The following AARS1 variants were observed in gnomAD, a reference collection of about 807,000 sequenced individuals.
AARS1 encodes alanine--tRNA ligase, cytoplasmic.
A neutral mutation model predicts 108.9 loss-of-function variants in AARS1; 72 were observed. That is an observed-to-expected ratio of 0.66 (90% CI 0.55 to 0.80). AARS1 has a LOEUF of 0.80. Ranked by LOEUF, AARS1 falls within the 30% of genes least tolerant of loss-of-function variation. AARS1 has a pLI of 0.00. For missense variants in AARS1, 1,193 were observed against 1,233.2 expected, an observed-to-expected ratio of 0.97 and a Z score of 0.49; for synonymous variants, 489 against 465.7, an observed-to-expected ratio of 1.05 and a Z score of -0.64.
intron 1 of AARS1, among the ~76,000 whole-genome samples, chr16:70,288,866 C>T (rs1410768107): frequency 6.6e-6 from 1 of 152,188 alleles, no homozygotes; most frequent in Non-Finnish European, 1.5e-5. Context: ...CGCGCCTGGC[C>T]CTGGGCTATT....
chr16:70,254,082 TG>T, intron 17 of AARS1, 44 bp from the exon 18 acceptor site: 3 of 1,611,470 alleles, frequency 1.9e-6, no homozygotes, highest in Non-Finnish European at 2.5e-6. Context: ...CACAACTTGC[TG>T]GGATGTCAGG....
chr16:70,287,254 CAAAAAAAAAAA>C (rs71151181), intron 1 of AARS1, among the ~76,000 whole-genome samples: 6 of 39,434 alleles, frequency 1.5e-4, no homozygotes, highest in East Asian at 9.5e-4. Context: ...GACTCCGTCT[CAAAAAAAAAAA>C]AAAAAAAAAA....
At chr16:70,286,084 G>T (rs1013732603) in intron 1 of AARS1, among the ~76,000 whole-genome samples, 2 of 152,162 alleles carry the variant, frequency 1.3e-5, no homozygotes, top group Admixed American at 6.6e-5. Context: ...TAAAAGGACT[G>T]AATATATTAA....
intron 11 of AARS1, among the ~76,000 whole-genome samples, chr16:70,263,527 C>T (rs1188947558): frequency 1.3e-5 from 2 of 150,876 alleles, no homozygotes; most frequent in Non-Finnish European, 1.5e-5. Flanking sequence ...GCCGAGAATG[C>T]GCCACTGCAC....
intron 4 of AARS1, chr16:70,275,950 A>AAC: frequency 6.7e-6 from 1 of 149,914 alleles, no homozygotes; most frequent in African/African-American, 2.5e-5. Flanking sequence ...AAAAAAAAAA[A>AAC]AAAAAAAAAA....
Position 70,263,057 on chromosome 16 carries a change from G to C in AARS1, c.1493-533C>G, listed in dbSNP as rs1021095756. Among the ~76,000 whole-genome samples the C allele has an allele frequency of 3.3e-5, 5 of 149,372 alleles. No homozygotes were observed. In the Admixed American group the frequency reaches 3.4e-4, roughly 10 times the overall value. On this transcript the variant is annotated intron_variant, in intron 11 of 20. Coordinates refer to ENST00000261772, the MANE Select transcript of AARS1 (RefSeq NM_001605.3). ...CCATCAAAGAATGCAACACTCTGTC[G>C]GGTGACCAACTGTCCCAATTTTTAG...
chr16:70,277,193 C>T (rs1960571781), intron 2 of AARS1, 39 bp from the exon 3 acceptor site: 3 of 1,596,430 alleles, frequency 1.9e-6, no homozygotes, highest in Non-Finnish European at 2.6e-6. Context: ...TTAAAGGGTG[C>T]AAGTGATGTC....
Position 70,277,017 on chromosome 16 carries a change from A to C in AARS1, c.282T>G (p.His94Gln). 6.2e-7 allele frequency: 1 copy of C among 1,614,184 alleles called. No homozygotes were observed. Among genetic ancestry groups the C allele is most frequent in the Non-Finnish European group, 8.5e-7 (1 of 1,180,028 alleles). Residue 94 changes from histidine (H) to glutamine (Q), a missense_variant, in exon 3 of 21, where the codon CAT (histidine) becomes CAG (glutamine). Physicochemically the swap from His to Gln is conservative, Grantham distance 24 (BLOSUM62 0). Transcript: ENST00000261772. ...AGCCCAGCATCTCGAAGAAGGTGTGATGATAGACATCCTTGCCCACATCGT... is the reference window on the plus strand; with the variant it reads ...AGCCCAGCATCTCGAAGAAGGTGTGCTGATAGACATCCTTGCCCACATCGT... ...DLDDVGKDVY[H>Q]HTFFEMLGSW...
At chr16:70,280,167 T>C (rs146919275) in intron 2 of AARS1, among the ~76,000 whole-genome samples, 5 of 152,328 alleles carry the variant, frequency 3.3e-5, no homozygotes, top group Admixed American at 2.0e-4. Context: ...TCCTCTTACT[T>C]TGGCCTCCCA....
At chr16:70,284,645 T>TC (rs1180096649) in intron 1 of AARS1, among the ~76,000 whole-genome samples, 2 of 152,072 alleles carry the variant, frequency 1.3e-5, no homozygotes, top group Non-Finnish European at 2.9e-5. Flanking sequence ...TATTACGATT[T>TC]CCCTGAGAGG....
At chr16:70,278,364 G>A (rs766853333) in intron 2 of AARS1, among the ~76,000 whole-genome samples, 2 of 151,810 alleles carry the variant, frequency 1.3e-5, no homozygotes, top group Non-Finnish European at 2.9e-5. Flanking sequence ...TCGGGAGTTC[G>A]AGACCAGCCT....
At chr16:70,265,489 G>A (rs1292261738) in intron 10 of AARS1, 49 bp downstream of exon 10, 3 of 1,612,392 alleles carry the variant, frequency 1.9e-6, no homozygotes, top group South Asian at 2.2e-5. Flanking sequence ...GCCAAGTGGT[G>A]CTGGGTTGGA....
intron 4 of AARS1, among the ~76,000 whole-genome samples, chr16:70,273,976 G>T (rs111783220): frequency 0.016 from 2,394 of 151,134 alleles, 56 homozygotes; most frequent in African/African-American, 0.054. Flanking sequence ...AGTAAACTAT[G>T]ATTATGCCAC....
chr16:70,270,114 C>A (rs1217360000), intron 6 of AARS1, 82 bp downstream of exon 6: 6 of 1,548,208 alleles, frequency 3.9e-6, no homozygotes, highest in South Asian at 2.2e-5. Context: ...AGCATATGGT[C>A]ATTTTTTCTT....
chr16:70,255,223 GGA>G (rs1264304011), intron 16 of AARS1, among the ~76,000 whole-genome samples: 1 of 119,642 alleles, frequency 8.4e-6, no homozygotes, highest in East Asian at 2.2e-4. Context: ...TTTTGGAGAC[GGA>G]GTCTCGCCCC....
intron 12 of AARS1, among the ~76,000 whole-genome samples, chr16:70,262,069 A>G (rs1205589901): frequency 6.6e-6 from 1 of 152,184 alleles, no homozygotes; most frequent in Non-Finnish European, 1.5e-5. Context: ...GTTTTCTACA[A>G]GGACATCTCC....
intron 2 of AARS1, among the ~76,000 whole-genome samples, chr16:70,280,797 T>A (rs1039816834): frequency 2.0e-5 from 3 of 152,194 alleles, no homozygotes; most frequent in African/African-American, 7.2e-5. Context: ...TTAACCCTTT[T>A]CTCTCACGAT....
At chr16:70,283,954 G>A (rs1486663632) in intron 1 of AARS1, among the ~76,000 whole-genome samples, 2 of 152,176 alleles carry the variant, frequency 1.3e-5, no homozygotes, top group African/African-American at 2.4e-5. Context: ...GCTCACGCCT[G>A]TAATCCCAGC....
In AARS1 at chr16:70,282,673, T is replaced by C. The variant is rs886052256; in HGVS notation, c.91A>G (p.Thr31Ala). The C allele has an allele frequency of 3.1e-6, 5 of 1,614,076 alleles. No individual in the cohort carries two copies. Among genetic ancestry groups the C allele is most frequent in the Non-Finnish European group, 4.2e-6 (5 of 1,180,046 alleles). Residue 31 changes from threonine (T) to alanine (A), a missense_variant, in exon 2 of 21, where the codon ACC becomes GCC. By Grantham distance (58) the Thr-to-Ala change is moderately conservative. Transcript: ENST00000261772. Reference protein sequence around the residue: ...NEHTYVHSSATIPLDDPTLLF... With the variant: ...NEHTYVHSSAAIPLDDPTLLF... ...AAAGTGGGGTCATCCAATGGGATGGTGGCAGACGAGTGAACATACGTATGC... is the reference window on the plus strand; with the variant it reads ...AAAGTGGGGTCATCCAATGGGATGGCGGCAGACGAGTGAACATACGTATGC...
Sources: gnomAD v4.1 joint callset for allele counts (sites outside exome capture counted in the v4.1 genomes callset) on GRCh38, gnomAD v4.1.1 for gene constraint, MANE v1.5 for transcripts, NCBI Gene and HGNC (gene_info 2026-07-23, HGNC 2026-07-21) for gene names.